Variants in DIP2C observed in about 807,000 individuals in gnomAD.
DIP2C encodes disco-interacting protein 2 homolog C.
DIP2C carries 33 observed loss-of-function variants against 192.4 expected under a neutral mutation model. The ratio of observed to expected loss-of-function variants is 0.17; its 90% CI spans 0.13 to 0.23. DIP2C has a LOEUF of 0.23. Among genes scored for constraint, DIP2C ranks in the 10% least tolerant of loss-of-function variants. The pLI is 1.00. For missense variants in DIP2C, 1,537 were observed against 2,110.1 expected (o/e 0.73, Z 5.32); for synonymous variants, 979 against 864.1 (o/e 1.13, Z -2.33).
chr10:550,178 T>A (rs1418215665), intron 1 of DIP2C, among the ~76,000 whole-genome samples: 1 of 151,968 alleles, frequency 6.6e-6, no homozygotes, highest in Non-Finnish European at 1.5e-5. Flanking sequence ...CCCAGCTAAT[T>A]TTTGTACTTT....
chr10:490,974 G>A (rs1417825275), intron 1 of DIP2C, among the ~76,000 whole-genome samples: 5 of 152,214 alleles, frequency 3.3e-5, no homozygotes, highest in African/African-American at 1.2e-4. Context: ...TCTCACTTAT[G>A]TTGCAATCCA....
intron 3 of DIP2C, among the ~76,000 whole-genome samples, chr10:458,866 A>G (rs939436029): frequency 8.5e-5 from 13 of 152,294 alleles, no homozygotes; most frequent in Admixed American, 7.8e-4. Flanking sequence ...TCACCTGCAC[A>G]TTTGCTGAAA....
chr10:476,112 G>A (rs1175363122), intron 2 of DIP2C, among the ~76,000 whole-genome samples: 43 of 152,214 alleles, frequency 2.8e-4, no homozygotes, highest in Non-Finnish European at 8.8e-5. Context: ...GGGGAGAGAG[G>A]CCGGCATGGT....
chr10:465,120 T>C (rs1487403788), intron 3 of DIP2C, among the ~76,000 whole-genome samples: 1 of 119,308 alleles, frequency 8.4e-6, no homozygotes, highest in African/African-American at 3.2e-5. Context: ...TTGATGAACA[T>C]TGATGCAAAA....
rs1437546667 is a variant in DIP2C, at chr10:527,762, C to CT, written c.86-41233dup. On this transcript the variant is annotated intron_variant, in intron 1 of 36. Transcript: ENST00000280886. ...TGGTTGGCCTAGAACCACAGGCTCTCTCCTCTGTACAACAGAAAATCCATA... is the reference window on the plus strand; with the variant it reads ...TGGTTGGCCTAGAACCACAGGCTCTCTTCCTCTGTACAACAGAAAATCCATA... Among the ~76,000 whole-genome samples, 13 of 152,334 alleles carry CT rather than the reference C, an allele frequency of 8.5e-5. No individual in the cohort carries two copies. The South Asian group carries it at 2.5e-3, about 29-fold the overall frequency.
intron 3 of DIP2C, among the ~76,000 whole-genome samples, chr10:463,623 C>A (rs1192996165): frequency 6.6e-6 from 1 of 152,090 alleles, no homozygotes; most frequent in South Asian, 2.1e-4. Context: ...ACTTTCTTCA[C>A]AGAATTGGAA....
chr10:538,297 C>G (rs1394666539), intron 1 of DIP2C, among the ~76,000 whole-genome samples: 1 of 152,050 alleles, frequency 6.6e-6, no homozygotes, highest in Non-Finnish European at 1.5e-5. Flanking sequence ...GCTAGGACTA[C>G]AGGTGTGCAC....
chr10:459,866 G>A (rs1969621832), intron 3 of DIP2C, among the ~76,000 whole-genome samples: 1 of 146,476 alleles, frequency 6.8e-6, no homozygotes, highest in Non-Finnish European at 1.5e-5. Flanking sequence ...TCCTCTCACA[G>A]TCACATCAGG....
chr10:612,962 G>A (rs1853202495), intron 1 of DIP2C, among the ~76,000 whole-genome samples: 1 of 152,178 alleles, frequency 6.6e-6, no homozygotes, highest in Non-Finnish European at 1.5e-5. Context: ...CCCAGTGGGT[G>A]TGCACGTTGA....
intron 1 of DIP2C, among the ~76,000 whole-genome samples, chr10:637,613 C>T (rs1462217996): frequency 1.3e-5 from 2 of 152,238 alleles, no homozygotes; most frequent in Non-Finnish European, 2.9e-5. Flanking sequence ...CAAAGCTCCC[C>T]CTCCTAGCAC....
chr10:408,610 T>C (rs1964973300), intron 9 of DIP2C, among the ~76,000 whole-genome samples: 3 of 152,146 alleles, frequency 2.0e-5, no homozygotes, highest in African/African-American at 7.2e-5. Flanking sequence ...AACCTAATCT[T>C]GGGGGCATCT....
chr10:464,354 A>T (rs1219054668), intron 3 of DIP2C, among the ~76,000 whole-genome samples: 1 of 152,176 alleles, frequency 6.6e-6, no homozygotes, highest in African/African-American at 2.4e-5. Flanking sequence ...ACTTCTCAAA[A>T]GAAGACATTT....
At position 439,941 on chromosome 10, in the gene DIP2C, T is replaced by A. The variant is rs552702956; in HGVS notation, c.394+930A>T. ...AGTGGTGTGTAGCTTCAAAGTGGGA[T>A]GTAAGGTGATTTAGGTCCTTTGAGA... On this transcript the variant is annotated intron_variant, in intron 4 of 36. Transcript: ENST00000280886. 3.9e-5 allele frequency among the ~76,000 whole-genome samples: 6 copies of A among 152,346 alleles called. No individual in the cohort carries two copies. In the East Asian group the frequency reaches 1.2e-3, roughly 29 times the overall value.
At chr10:396,286 G>A (rs1963979214) in intron 10 of DIP2C, among the ~76,000 whole-genome samples, 1 of 152,214 alleles carries the variant, frequency 6.6e-6, no homozygotes, top group African/African-American at 2.4e-5. Flanking sequence ...CCTAGGATTT[G>A]AGATAATAGG....
intron 1 of DIP2C, chr10:650,000 A>G: frequency 1.5e-6 from 1 of 645,256 alleles, no homozygotes; most frequent in Non-Finnish European, 2.8e-6. Flanking sequence ...TCCAAAGTTC[A>G]CATCAACAAT....
At chr10:517,577 T>A (rs570783916) in intron 1 of DIP2C, among the ~76,000 whole-genome samples, 1 of 152,314 alleles carries the variant, frequency 6.6e-6, no homozygotes, top group East Asian at 1.9e-4. Flanking sequence ...TTCCTCATGA[T>A]ACCCAGAATG....
chr10:629,247 C>T (rs2131875001), intron 1 of DIP2C, among the ~76,000 whole-genome samples: 1 of 152,286 alleles, frequency 6.6e-6, no homozygotes, highest in South Asian at 2.1e-4. Flanking sequence ...TCCTCATGGT[C>T]CCAAGAGGCG....
intron 1 of DIP2C, among the ~76,000 whole-genome samples, chr10:558,287 C>CA (rs949211566): frequency 6.6e-6 from 1 of 152,212 alleles, no homozygotes; most frequent in African/African-American, 2.4e-5. Flanking sequence ...TGAGGCCACA[C>CA]AGCTGTCTCC....
intron 1 of DIP2C, among the ~76,000 whole-genome samples, chr10:642,898 A>G (rs1855268492): frequency 1.3e-5 from 2 of 152,264 alleles, no homozygotes; most frequent in Admixed American, 1.3e-4. Flanking sequence ...AAAAAGAAAA[A>G]GAAGATTTAA....
Sources: allele counts gnomAD v4.1 joint callset (sites outside exome capture counted in the v4.1 genomes callset), GRCh38; gene constraint gnomAD v4.1.1; transcripts MANE v1.5; gene names NCBI Gene and HGNC (gene_info 2026-07-23, HGNC 2026-07-21).